The following KCND2 variants were observed in gnomAD, a reference collection of about 807,000 sequenced individuals.
KCND2 encodes A-type voltage-gated potassium channel KCND2.
In KCND2, 16 loss-of-function variants were observed where a neutral mutation model predicts 54.4. That is an observed-to-expected ratio of 0.29 (90% CI 0.20 to 0.45). The LOEUF is 0.45. Among genes scored for constraint, KCND2 ranks in the 20% least tolerant of loss-of-function variants. KCND2 has a pLI of 1.00. For missense variants in KCND2, 486 were observed against 824.2 expected (o/e 0.59, Z 5.02); for synonymous variants, 317 against 310.7 (o/e 1.02, Z -0.21).
At chr7:120,614,398 G>A (rs1044940128) in intron 1 of KCND2, among the ~76,000 whole-genome samples, 3 of 152,140 alleles carry the variant, frequency 2.0e-5, no homozygotes, top group African/African-American at 7.2e-5. Flanking sequence ...GAGTTATTTT[G>A]AGGTTTGCTA....
chr7:120,553,397 A>G (rs574252867), intron 1 of KCND2, among the ~76,000 whole-genome samples: 1 of 152,348 alleles, frequency 6.6e-6, no homozygotes, highest in African/African-American at 2.4e-5. Flanking sequence ...TAAAGAGACA[A>G]ATAATCACAT....
intron 1 of KCND2, among the ~76,000 whole-genome samples, chr7:120,692,274 A>G (rs1792279150): frequency 6.6e-6 from 1 of 152,238 alleles, no homozygotes; most frequent in South Asian, 2.1e-4. Context: ...TCCTAGTGCA[A>G]CAAAGATCAT....
At chr7:120,434,930 T>G (rs1801844693) in intron 1 of KCND2, among the ~76,000 whole-genome samples, 1 of 152,120 alleles carries the variant, frequency 6.6e-6, no homozygotes, top group Non-Finnish European at 1.5e-5. Flanking sequence ...ACACATTGTC[T>G]TCTATCCAAG....
chr7:120,554,063 A>G (rs1408032875), intron 1 of KCND2, among the ~76,000 whole-genome samples: 2 of 152,144 alleles, frequency 1.3e-5, no homozygotes, highest in Non-Finnish European at 2.9e-5. Flanking sequence ...TTTTGTCATT[A>G]CTCCCATTAG....
intron 1 of KCND2, among the ~76,000 whole-genome samples, chr7:120,515,811 G>T (rs745546686): frequency 3.9e-5 from 6 of 152,084 alleles, no homozygotes; most frequent in Non-Finnish European, 8.8e-5. Flanking sequence ...CGTTGAAATG[G>T]CAGATCCTTT....
intron 1 of KCND2, among the ~76,000 whole-genome samples, chr7:120,546,662 A>G (rs912685182): frequency 2.6e-5 from 4 of 151,962 alleles, no homozygotes; most frequent in Non-Finnish European, 2.9e-5. Context: ...TCCTCACACA[A>G]GATCTAAGGC....
chr7:120,406,156 C>T (rs1431941196), intron 1 of KCND2, among the ~76,000 whole-genome samples: 1 of 151,752 alleles, frequency 6.6e-6, no homozygotes. Flanking sequence ...TAACTATGGC[C>T]TACCAATCGT....
chr7:120,572,377 A>G (rs991963689), intron 1 of KCND2, among the ~76,000 whole-genome samples: 1 of 152,184 alleles, frequency 6.6e-6, no homozygotes, highest in Non-Finnish European at 1.5e-5. Flanking sequence ...AACAATGCAG[A>G]GGTGTATGGT....
chr7:120,666,556 T>C lies in KCND2; in HGVS notation c.1116-66347T>C, dbSNP rs571832716. Among the ~76,000 whole-genome samples, 186 of 152,186 alleles carry C rather than the reference T, an allele frequency of 1.2e-3. 2 individuals carry two copies. The highest frequency in any genetic ancestry group is 4.0e-3 in the African/African-American group (166 of 41,558). On this transcript the variant is annotated intron_variant, in intron 1 of 5. Transcript: ENST00000331113. The stretch of plus-strand genomic sequence containing the variant: ...TTTTTTTTACCCTGTATTTACTCAG[T>C]GAGAACTCAGCATAGATACAAGTAA...
At chr7:120,624,459 A>G (rs1793140256) in intron 1 of KCND2, among the ~76,000 whole-genome samples, 1 of 152,286 alleles carries the variant, frequency 6.6e-6, no homozygotes, top group African/African-American at 2.4e-5. Context: ...TAATATTGCA[A>G]TTAGACAGAA....
chr7:120,579,638 AAAT>A (rs1305633133), intron 1 of KCND2, among the ~76,000 whole-genome samples: 9 of 139,614 alleles, frequency 6.4e-5, no homozygotes, highest in South Asian at 4.3e-4. Context: ...ATAAATAAAT[AAAT>A]AAATAAAATA....
intron 2 of KCND2, among the ~76,000 whole-genome samples, chr7:120,735,414 A>G (rs1406495239): frequency 6.6e-6 from 1 of 152,056 alleles, no homozygotes; most frequent in Admixed American, 6.6e-5. Context: ...TCAACCACCC[A>G]TCTATCTCCA....
At chr7:120,621,137 G>T (rs2116500206) in intron 1 of KCND2, among the ~76,000 whole-genome samples, 1 of 151,852 alleles carries the variant, frequency 6.6e-6, no homozygotes, top group South Asian at 2.1e-4. Context: ...GCCAGGCATG[G>T]TGACACGCAC....
At chr7:120,633,085 C>T (rs1793259609) in intron 1 of KCND2, among the ~76,000 whole-genome samples, 1 of 152,172 alleles carries the variant, frequency 6.6e-6, no homozygotes, top group Admixed American at 6.5e-5. Flanking sequence ...GAATTATCGC[C>T]ATTTCAAATA....
intron 1 of KCND2, among the ~76,000 whole-genome samples, chr7:120,295,962 T>C (rs1053765495): frequency 6.6e-6 from 1 of 152,036 alleles, no homozygotes; most frequent in Admixed American, 6.6e-5. Context: ...AAGGAATAAT[T>C]CACAAACAAT....
At chr7:120,450,712 A>C (rs1802090436) in intron 1 of KCND2, among the ~76,000 whole-genome samples, 1 of 152,234 alleles carries the variant, frequency 6.6e-6, no homozygotes, top group African/African-American at 2.4e-5. Flanking sequence ...AACTATGAAA[A>C]CATTTAAAGG....
chr7:120,444,517 C>T (rs1244558646), intron 1 of KCND2, among the ~76,000 whole-genome samples: 2 of 152,024 alleles, frequency 1.3e-5, no homozygotes, highest in Non-Finnish European at 1.5e-5. Context: ...TCCTAAGAAC[C>T]CCAGCAGAGT....
At chr7:120,556,336 C>T (rs1369729372) in intron 1 of KCND2, among the ~76,000 whole-genome samples, 2 of 152,128 alleles carry the variant, frequency 1.3e-5, no homozygotes, top group Non-Finnish European at 2.9e-5. Context: ...ACAGTACAAA[C>T]ACACAGAAAC....
At chr7:120,344,441 C>T (rs937845895) in intron 1 of KCND2, among the ~76,000 whole-genome samples, 3 of 152,114 alleles carry the variant, frequency 2.0e-5, no homozygotes, top group Non-Finnish European at 2.9e-5. Flanking sequence ...TCATATTTAG[C>T]CTCATATTGC....
Sources: gnomAD v4.1 joint callset for allele counts (sites outside exome capture counted in the v4.1 genomes callset) on GRCh38, gnomAD v4.1.1 for gene constraint, MANE v1.5 for transcripts, NCBI Gene and HGNC (gene_info 2026-07-23, HGNC 2026-07-21) for gene names.